GPSM2: variants seen among roughly 807,000 people sequenced by gnomAD.
GPSM2 encodes the protein G protein signaling modulator 2.
Under a neutral mutation model 78.4 loss-of-function variants are expected in GPSM2, and 58 were observed. That is an observed-to-expected ratio of 0.74 (90% CI 0.60 to 0.92). The LOEUF is 0.92. GPSM2 is among the 40% of genes least tolerant of loss of function. GPSM2 has a pLI of 0.00. For synonymous variants in GPSM2, 224 were observed against 280.2 expected (o/e 0.80, Z 2.00); for missense variants, 700 against 815.5 (o/e 0.86, Z 1.73).
chr1:108,885,291 C>G lies in GPSM2; in HGVS notation c.-232C>G. The G allele has an allele frequency of 2.4e-6, 1 of 415,502 alleles. No individual in the cohort carries two copies. Among genetic ancestry groups the G allele is most frequent in the Non-Finnish European group, 4.3e-6 (1 of 233,312 alleles). The allele number at this position is 415,502 out of a possible 1,614,324, so 25.7% of individuals were successfully genotyped here. A position where few individuals can be genotyped will look rare whatever the true frequency, so the allele number is the denominator to read the frequency against. On this transcript the variant is annotated 5_prime_UTR_variant, in exon 2 of 15. Coordinates refer to ENST00000264126, the MANE Select transcript of GPSM2 (RefSeq NM_013296.5). The stretch of plus-strand genomic sequence containing the variant: ...CTTTTGCAGAAATGTTGCTGAAGTG[C>G]TGCTGAAAGGGCCAGAGATGCAAGG...
Position 108,931,628 on chromosome 1 carries a change from T to TA in GPSM2, c.*1703dup, listed in dbSNP as rs71593448. The TA allele has an allele frequency of 0.072, 57,674 of 805,808 alleles. 44 individuals are homozygous for TA. The highest frequency in any genetic ancestry group is 0.077 in the Non-Finnish European group (45,202 of 589,298). 49.9% of individuals were successfully genotyped at this position (805,808 alleles called of 1,614,324 possible). On this transcript the variant is annotated 3_prime_UTR_variant, in exon 15 of 15. Coordinates refer to ENST00000264126, the MANE Select transcript of GPSM2 (RefSeq NM_013296.5). The stretch of plus-strand genomic sequence containing the variant: ...GAATTAATTACATTAAGTGCTCAGC[T>TA]AAAAAAAAAAAAAAAGTTCTAAATT...
At chr1:108,928,153 A>G (rs897085032) in intron 14 of GPSM2, among the ~76,000 whole-genome samples, 3 of 152,264 alleles carry the variant, frequency 2.0e-5, no homozygotes, top group Admixed American at 2.0e-4. Flanking sequence ...TGGAAATCAC[A>G]TATCTGATAA....
intron 1 of GPSM2, among the ~76,000 whole-genome samples, chr1:108,883,786 A>G (rs368900260): frequency 6.6e-6 from 1 of 151,930 alleles, no homozygotes; most frequent in Non-Finnish European, 1.5e-5. Context: ...TCACCCTCCT[A>G]TTAGATATAT....
intron 9 of GPSM2, among the ~76,000 whole-genome samples, 157 bp from the exon 10 acceptor site, chr1:108,903,968 A>G (rs534604099): frequency 1.2e-4 from 19 of 152,284 alleles, no homozygotes; most frequent in Middle Eastern, 3.4e-3. Flanking sequence ...CTATTAATGG[A>G]AAAAAATTTT....
At position 108,924,041 on chromosome 1, in the gene GPSM2, T is replaced by C; in HGVS notation, c.1642T>C (p.Leu548=). Residue 548 remains leucine (L), a synonymous_variant, in exon 14 of 15, where the codon TTA becomes CTA. Transcript: ENST00000264126. ...PVVSPNTDEF[L]DLLASSQSRR... ...GGTATCCCCCAACACGGATGAGTTT[T>C]TAGATCTTCTTGCCAGCTCACAGAG... The C allele has an allele frequency of 6.2e-7, 1 of 1,613,568 alleles. No individual in the cohort carries two copies.
At chr1:108,927,077 T>C (rs1298253059) in intron 14 of GPSM2, among the ~76,000 whole-genome samples, 6 of 152,006 alleles carry the variant, frequency 3.9e-5, no homozygotes, top group Non-Finnish European at 7.4e-5. Flanking sequence ...AAGAATAAAA[T>C]ACTTAGAAAT....
In GPSM2 at chr1:108,931,067, T is replaced by C. The variant is rs1651868336; in HGVS notation, c.*1127T>C. The C allele has an allele frequency of 3.7e-6, 1 of 267,358 alleles. No individual in the cohort carries two copies. The highest frequency in any genetic ancestry group is 5.0e-5 in the Admixed American group (1 of 20,054). 16.6% of individuals were successfully genotyped at this position (267,358 alleles called of 1,614,324 possible). On this transcript the variant is annotated 3_prime_UTR_variant, in exon 15 of 15. Transcript: ENST00000264126. ...ACCCTGTCTCTAGAAAACAAGTATC[T>C]TTTGTGTGTTTTGGGCTGTTTAAAA...
rs189807174 is a variant in GPSM2 at position 108,911,588 on chromosome 1, G to T, written c.1193-2750G>T. Among the ~76,000 whole-genome samples the T allele has an allele frequency of 1.5e-4, 23 of 152,194 alleles. No individual in the cohort carries two copies. In the South Asian group the frequency reaches 2.3e-3, roughly 15 times the overall value. On this transcript the variant is annotated intron_variant, in intron 10 of 14. Transcript: ENST00000264126. ...AAGTAAATGAAGAAGGTCACTTTAC[G>T]GTGGTACTTACCAGTGATTAACAGT... is the stretch of plus-strand genomic sequence containing the variant.
intron 2 of GPSM2, among the ~76,000 whole-genome samples, chr1:108,895,615 C>T (rs557664363): frequency 5.9e-5 from 9 of 152,090 alleles, no homozygotes; most frequent in Non-Finnish European, 1.0e-4. Context: ...CCAGATTGCA[C>T]ATTCCTTATG....
Position 108,931,440 on chromosome 1 carries a change from C to T in GPSM2, c.*1500C>T. 6.4e-7 allele frequency: 1 copy of T among 1,550,914 alleles called. No homozygotes were observed. The highest frequency in any genetic ancestry group is 8.7e-7 in the Non-Finnish European group (1 of 1,147,080). The stretch of plus-strand genomic sequence containing the variant: ...AGACTGCAAAGGCCCACGCTTGGAA[C>T]AAGTTGCCAACTTGTTTCACTCTGC... On this transcript the variant is annotated 3_prime_UTR_variant, in exon 15 of 15. Transcript: ENST00000264126.
chr1:108,902,625 TAAA>T lies in GPSM2; in HGVS notation c.954-497_954-495del, dbSNP rs543393552. 2.3e-4 allele frequency among the ~76,000 whole-genome samples: 35 copies of T among 152,318 alleles called. No homozygotes were observed. The South Asian group carries it at 7.3e-3, about 32-fold the overall frequency. Reference sequence around the variant, plus strand: ...ATTCAGTTTTTTTGTTTTACTGTATTAAAAAACATTATTTTCCAGCATTTAGTC... The same window carrying T: ...ATTCAGTTTTTTTGTTTTACTGTATTAAACATTATTTTCCAGCATTTAGTC... On this transcript the variant is annotated intron_variant, in intron 8 of 14. Transcript: ENST00000264126.
At chr1:108,887,020 G>A (rs1382786134) in intron 2 of GPSM2, among the ~76,000 whole-genome samples, 2 of 152,008 alleles carry the variant, frequency 1.3e-5, no homozygotes, top group Admixed American at 6.6e-5. Flanking sequence ...CCGAGTAGCT[G>A]GGATTATAGG....
At chr1:108,903,760 G>A (rs1284711228) in intron 9 of GPSM2, among the ~76,000 whole-genome samples, 4 of 151,798 alleles carry the variant, frequency 2.6e-5, no homozygotes, top group Non-Finnish European at 5.9e-5. Context: ...TTATACTATG[G>A]GAATAAAATA....
intron 5 of GPSM2, among the ~76,000 whole-genome samples, chr1:108,898,332 A>G (rs538486567): frequency 3.9e-5 from 6 of 152,342 alleles, no homozygotes; most frequent in Admixed American, 3.9e-4. Context: ...AGAAATGTCA[A>G]TGGTTGGTCT....
rs778913614 is a variant in GPSM2 at position 108,922,494 on chromosome 1, T to A, written c.1518T>A (p.Asp506Glu). The A allele has an allele frequency of 6.2e-7, 1 of 1,612,058 alleles. No individual in the cohort carries two copies. The change falls in exon 13 of 15, where the codon GAT becomes GAA. Residue 506 changes from aspartate (D) to glutamate (E), a missense_variant. Transcript: ENST00000264126. Reference protein sequence around the residue: ...LSRFQSNRMDDQRCCLQEKNC... With the variant: ...LSRFQSNRMDEQRCCLQEKNC... The stretch of plus-strand genomic sequence containing the variant: ...GATTTCAAAGCAATAGGATGGATGA[T>A]CAGAGATGTTGCTTACAAGAAAAGA...
At chr1:108,923,978 G>C in intron 13 of GPSM2, 22 bp from the exon 14 acceptor site, 2 of 1,461,932 alleles carry the variant, frequency 1.4e-6, no homozygotes, top group Non-Finnish European at 1.9e-6. Flanking sequence ...TTTAATCTTT[G>C]GCTTTCTTCT....
chr1:108,893,927 T>A (rs1196114361), intron 2 of GPSM2, among the ~76,000 whole-genome samples: 1 of 151,980 alleles, frequency 6.6e-6, no homozygotes, highest in African/African-American at 2.4e-5. Flanking sequence ...CGGTGGTGCA[T>A]GCCTGTAATC....
chr1:108,883,803 G>A (rs1235399387), intron 1 of GPSM2, among the ~76,000 whole-genome samples: 1 of 151,850 alleles, frequency 6.6e-6, no homozygotes, highest in African/African-American at 2.4e-5. Context: ...ATATTATAGA[G>A]CTGCTCATTT....
chr1:108,919,081 C>T (rs1417889744), intron 12 of GPSM2, among the ~76,000 whole-genome samples: 3 of 151,910 alleles, frequency 2.0e-5, no homozygotes, highest in Non-Finnish European at 2.9e-5. Flanking sequence ...AATCTCAGCT[C>T]ACTGTGACCT....
Sources: allele counts gnomAD v4.1 joint callset (sites outside exome capture counted in the v4.1 genomes callset), GRCh38; gene constraint gnomAD v4.1.1; transcripts MANE v1.5; gene names NCBI Gene and HGNC (gene_info 2026-07-23, HGNC 2026-07-21).